SLC28A2: variants seen among roughly 807,000 people sequenced by gnomAD.
The protein encoded by SLC28A2 is solute carrier family 28 member 2, also known as sodium/nucleoside cotransporter 2.
Under a neutral mutation model 72.9 loss-of-function variants are expected in SLC28A2, and 69 were observed. The ratio of observed to expected loss-of-function variants is 0.95; its 90% CI spans 0.78 to 1.16. The LOEUF is 1.16. Ranked by LOEUF, SLC28A2 falls within the 50% of genes most tolerant of loss-of-function variation. The pLI is 0.00. For synonymous variants in SLC28A2, 296 were observed against 294.1 expected (o/e 1.01, Z -0.07); for missense variants, 745 against 791.1 (o/e 0.94, Z 0.70).
intron 2 of SLC28A2, 54 bp downstream of exon 2, chr15:45,253,350 C>G: frequency 6.4e-7 from 1 of 1,556,508 alleles, no homozygotes; most frequent in African/African-American, 1.3e-5. Context: ...GCATGGGCTC[C>G]TGTAGGGTAT....
intron 4 of SLC28A2, among the ~76,000 whole-genome samples, chr15:45,262,436 T>C (rs893638969): frequency 6.6e-6 from 1 of 152,240 alleles, no homozygotes; most frequent in Non-Finnish European, 1.5e-5. Context: ...GCCTGTATTA[T>C]ACCTTACTTA....
At chr15:45,273,103 G>A (rs1900639307) in intron 17 of SLC28A2, among the ~76,000 whole-genome samples, 1 of 152,196 alleles carries the variant, frequency 6.6e-6, no homozygotes, top group African/African-American at 2.4e-5. Flanking sequence ...AAAGTGGGAG[G>A]ATGGTTTGAG....
rs1446113687 is a variant in SLC28A2 at position 45,265,104 on chromosome 15, A to G, written c.718A>G (p.Thr240Ala). 2.5e-6 allele frequency: 4 copies of G among 1,612,004 alleles called. No homozygotes were observed. Among genetic ancestry groups the G allele is most frequent in the East Asian group, 2.2e-5 (1 of 44,864 alleles). The change falls in exon 8 of 18, where the codon ACT becomes GCT. Residue 240 changes from threonine (T) to alanine (A), a missense_variant. Coordinates refer to ENST00000347644, the MANE Select transcript of SLC28A2 (RefSeq NM_004212.4). ...TTCCCTTCAGATTTTCCTGAACTAC[A>G]CTGTGGCCGGCTCCAGTTTTGTCTT... ...GEQVQIFLNYTVAGSSFVFGD... is the reference protein window; with the variant it reads ...GEQVQIFLNYAVAGSSFVFGD...
At chr15:45,264,611 GACTAGCAGA>G (rs777310979) in intron 6 of SLC28A2, 35 bp from the exon 7 acceptor site, 17 of 1,296,356 alleles carry the variant, frequency 1.3e-5, no homozygotes, top group Non-Finnish European at 1.8e-5. Flanking sequence ...CCAGGTAATG[GACTAGCAGA>G]ACTCACATTG....
intron 3 of SLC28A2, among the ~76,000 whole-genome samples, chr15:45,256,829 C>G (rs1265766891): frequency 6.6e-6 from 1 of 152,202 alleles, no homozygotes; most frequent in African/African-American, 2.4e-5. Flanking sequence ...TCCTGCCAAT[C>G]TATCCTATAT....
Position 45,277,499 on chromosome 15 carries a change from A to T in SLC28A2, c.*1986A>T, listed in dbSNP as rs1900784631. 6.6e-6 allele frequency: 1 copy of T among 151,488 alleles called. No homozygotes were observed. Among genetic ancestry groups the T allele is most frequent in the African/African-American group, 2.4e-5 (1 of 41,314 alleles). The allele number at this position is 151,488 out of a possible 1,614,324, so 9.4% of individuals were successfully genotyped here. On this transcript the variant is annotated 3_prime_UTR_variant, in exon 18 of 18. Transcript: ENST00000347644. Reference sequence around the variant, plus strand: ...AATTTTATTCACCCATTAAAAAAAGAAGTACTGATTTATGCTATGTAGAGG... The same window carrying T: ...AATTTTATTCACCCATTAAAAAAAGTAGTACTGATTTATGCTATGTAGAGG...
intron 3 of SLC28A2, chr15:45,255,334 A>G (rs1172752790): frequency 6.6e-6 from 1 of 151,960 alleles, no homozygotes; most frequent in Admixed American, 6.6e-5. Flanking sequence ...GCTCACCTTA[A>G]TGAGGAGTAA....
At chr15:45,261,870 T>C (rs1397405257) in intron 3 of SLC28A2, 145 bp from the exon 4 acceptor site, 2 of 677,472 alleles carry the variant, frequency 3.0e-6, no homozygotes, top group Admixed American at 4.5e-5. Context: ...TGCAGGACAC[T>C]ACCTAACTTC....
intron 10 of SLC28A2, 43 bp from the exon 11 acceptor site, chr15:45,267,412 G>C (rs762383088): frequency 1.6e-5 from 25 of 1,612,330 alleles, no homozygotes; most frequent in Non-Finnish European, 2.0e-5. Context: ...GGCATGGGGA[G>C]TTACACCTTC....
In SLC28A2 at chr15:45,269,487, T is replaced by C. The variant is rs1900473875; in HGVS notation, c.1518T>C (p.Arg506=). ...YQQLSQYKNK[R]LSGMEEWIEG... ...AACTGTCTCAATACAAGAACAAACG[T>C]CTCTCTGGAATGGAGGAGTGGATTG... is the stretch of plus-strand genomic sequence containing the variant. Residue 506 remains arginine, a synonymous_variant, in exon 14 of 18, where the codon CGT becomes CGC. Transcript: ENST00000347644. 2 of 1,614,104 alleles carry C rather than the reference T, an allele frequency of 1.2e-6. No individual in the cohort carries two copies. The highest frequency in any genetic ancestry group is 1.3e-5 in the African/African-American group (1 of 75,020).
At position 45,254,315 on chromosome 15, in the gene SLC28A2, T is replaced by A. The variant is rs147549730; in HGVS notation, c.170+795T>A. Among the ~76,000 whole-genome samples the A allele has an allele frequency of 9.5e-4, 145 of 152,308 alleles. 2 individuals carry two copies. The East Asian group carries it at 0.024, about 25-fold the overall frequency. On this transcript the variant is annotated intron_variant, in intron 3 of 17. Coordinates refer to ENST00000347644, the MANE Select transcript of SLC28A2 (RefSeq NM_004212.4). ...TGTTTCAGTCAATGATGGACCGCAT[T>A]ATACAATGGTGTATAATCATGTATA...
chr15:45,270,395 G>A, intron 15 of SLC28A2, 119 bp downstream of exon 15: 1 of 741,824 alleles, frequency 1.3e-6, no homozygotes, highest in Non-Finnish European at 2.4e-6. Context: ...TGTGAAATGG[G>A]CCCATTTCTT....
At position 45,275,571 on chromosome 15, in the gene SLC28A2, G is replaced by A; in HGVS notation, c.*58G>A. On this transcript the variant is annotated 3_prime_UTR_variant, in exon 18 of 18. Transcript: ENST00000347644. ...TCTTAAAAGCTTTGTGATTGCAAAGGTGTTTATGTACTCAGGGTGCCCACA... is the reference window on the plus strand; with the variant it reads ...TCTTAAAAGCTTTGTGATTGCAAAGATGTTTATGTACTCAGGGTGCCCACA... The A allele has an allele frequency of 1.9e-6, 2 of 1,078,712 alleles. No homozygotes were observed. Among genetic ancestry groups the A allele is most frequent in the Non-Finnish European group, 1.4e-6 (1 of 701,880 alleles). The allele number at this position is 1,078,712 out of a possible 1,614,324, so 66.8% of individuals were successfully genotyped here. A position where few individuals can be genotyped will look rare whatever the true frequency, so the allele number is the denominator to read the frequency against.
rs1900386833 is a variant in SLC28A2, at chr15:45,267,709, C to A, written c.1112C>A (p.Pro371His). The A allele has an allele frequency of 6.2e-7, 1 of 1,614,080 alleles. No individual in the cohort carries two copies. Among genetic ancestry groups the A allele is most frequent in the Non-Finnish European group, 8.5e-7 (1 of 1,180,006 alleles). The change falls in exon 12 of 18, where the codon CCT becomes CAT. Residue 371 changes from proline to histidine, a missense_variant. By Grantham distance (77) the Pro-to-His change is moderately conservative. Coordinates refer to ENST00000347644, the MANE Select transcript of SLC28A2 (RefSeq NM_004212.4). Reference sequence around the variant, plus strand: ...ATTTCTGCCTCTGTGATGGCCGCCCCTTGTGCTCTCGCCTCATCAAAGCTA... The same window carrying A: ...ATTTCTGCCTCTGTGATGGCCGCCCATTGTGCTCTCGCCTCATCAAAGCTA... ...SLISASVMAA[P>H]CALASSKLAY...
At chr15:45,263,620 A>G (rs1900231183) in intron 5 of SLC28A2, among the ~76,000 whole-genome samples, 1 of 152,158 alleles carries the variant, frequency 6.6e-6, no homozygotes, top group Non-Finnish European at 1.5e-5. Flanking sequence ...GTTCCCTGAT[A>G]CTTTTTATGC....
intron 10 of SLC28A2, 27 bp downstream of exon 10, chr15:45,266,188 T>A (rs771876012): frequency 8.6e-6 from 13 of 1,517,158 alleles, no homozygotes; most frequent in Non-Finnish European, 1.8e-6. Context: ...CTTTTGGTCT[T>A]CTTCCCTCTG....
At chr15:45,263,331 C>T (rs1471615888) in intron 5 of SLC28A2, 87 bp downstream of exon 5, 3 of 1,287,388 alleles carry the variant, frequency 2.3e-6, no homozygotes, top group African/African-American at 1.5e-5. Context: ...AGCAGGCTCT[C>T]AGACCTGCAC....
At chr15:45,252,723 G>A (rs1899829714) in intron 1 of SLC28A2, among the ~76,000 whole-genome samples, 1 of 152,334 alleles carries the variant, frequency 6.6e-6, no homozygotes, top group African/African-American at 2.4e-5. Flanking sequence ...GGAATTTGAA[G>A]GCCTGTAAAT....
chr15:45,253,129 TA>T, intron 1 of SLC28A2, 70 bp from the exon 2 acceptor site: 1 of 1,000,854 alleles, frequency 1.0e-6, no homozygotes, highest in Non-Finnish European at 1.5e-6. Flanking sequence ...TAACTGGTCC[TA>T]AAAATTCTCC....
Sources: allele counts gnomAD v4.1 joint callset (sites outside exome capture counted in the v4.1 genomes callset), GRCh38; gene constraint gnomAD v4.1.1; transcripts MANE v1.5; gene names NCBI Gene and HGNC (gene_info 2026-07-23, HGNC 2026-07-21).